Variants in PCDHGB7 observed in about 807,000 individuals in gnomAD.
PCDHGB7 encodes the protein protocadherin gamma subfamily B, 7.
A neutral mutation model predicts 61.4 loss-of-function variants in PCDHGB7; 37 were observed. The ratio of observed to expected loss-of-function variants is 0.60; its 90% CI spans 0.46 to 0.79. The LOEUF (loss-of-function observed/expected upper bound fraction) is 0.79, where lower values mean the gene tolerates loss of function less well. PCDHGB7 is among the 30% of genes least tolerant of loss of function. PCDHGB7 has a pLI of 0.00. For synonymous variants in PCDHGB7, 464 were observed against 503.5 expected (o/e 0.92, Z 1.05); for missense variants, 1,166 against 1,202.5 (o/e 0.97, Z 0.45).
intron 1 of PCDHGB7, among the ~76,000 whole-genome samples, chr5:141,443,376 T>C (rs1365277469): frequency 6.6e-6 from 1 of 151,990 alleles, no homozygotes; most frequent in Admixed American, 6.6e-5. Flanking sequence ...TCTCAGCTAC[T>C]TGGGAGGCTG....
In PCDHGB7 at chr5:141,489,203, C is replaced by A; in HGVS notation, c.2416-5604C>A. On this transcript the variant is annotated intron_variant, in intron 1 of 3. Transcript: ENST00000398594. The surrounding 1 kb of genome is among the most constrained non-coding windows in gnomAD (Gnocchi z 4.5). ...CCCTGGGTCTACCTTGGAGACAGGA[C>A]AGCACAGACTTACTCTCCACAAAGG... is the stretch of plus-strand genomic sequence containing the variant. 7.1e-7 allele frequency: 1 copy of A among 1,414,834 alleles called. No individual in the cohort carries two copies. Among genetic ancestry groups the A allele is most frequent in the Non-Finnish European group, 9.6e-7 (1 of 1,040,052 alleles). The allele number at this position is 1,414,834 out of a possible 1,614,324, so 87.6% of individuals were successfully genotyped here.
chr5:141,498,306 A>C (rs2099783027), intron 2 of PCDHGB7, among the ~76,000 whole-genome samples: 1 of 151,810 alleles, frequency 6.6e-6, no homozygotes, highest in African/African-American at 2.4e-5. Flanking sequence ...TCTGGGTCAC[A>C]CTGCCTACAC....
chr5:141,423,474 T>C, intron 1 of PCDHGB7: 1 of 1,614,004 alleles, frequency 6.2e-7, no homozygotes, highest in Non-Finnish European at 8.5e-7. Flanking sequence ...GGGTACAGGC[T>C]TTCCTGCAAA....
Position 141,510,946 on chromosome 5 carries a change from GA to G in PCDHGB7, c.2565del (p.Ala856LeufsTer17). The G allele has an allele frequency of 6.2e-7, 1 of 1,614,128 alleles. No homozygotes were observed. ...LQAMILASAS[E>X]AADGSSTLGG... ...CACCTGATCTTCCTCTGTCTCTGCA[GA>G]AGCTGCTGATGGGAGCTCCACCCTG... On this transcript the variant is annotated frameshift_variant and splice_region_variant, in exon 4 of 4. Coordinates refer to ENST00000398594, the MANE Select transcript of PCDHGB7 (RefSeq NM_018927.4). LOFTEE classifies it high-confidence loss of function.
intron 1 of PCDHGB7, chr5:141,478,585 T>A (rs1474599564): frequency 1.3e-5 from 20 of 1,576,728 alleles, no homozygotes; most frequent in Non-Finnish European, 1.7e-5. Flanking sequence ...TGTTAGTGCT[T>A]TTTTATTCCT....
chr5:141,498,673 T>C (rs1158071657), intron 2 of PCDHGB7, among the ~76,000 whole-genome samples: 1 of 152,180 alleles, frequency 6.6e-6, no homozygotes, highest in Non-Finnish European at 1.5e-5. Flanking sequence ...GGCTCACGCC[T>C]GTAATCCCAG....
At chr5:141,423,790 T>C (rs1561813105) in intron 1 of PCDHGB7, 2 of 1,261,874 alleles carry the variant, frequency 1.6e-6, no homozygotes, top group Non-Finnish European at 1.0e-6. Context: ...TTCATATATA[T>C]TTAGAGCAAT....
intron 1 of PCDHGB7, among the ~76,000 whole-genome samples, chr5:141,437,431 A>G (rs1282194918): frequency 6.6e-6 from 1 of 152,234 alleles, no homozygotes; most frequent in African/African-American, 2.4e-5. Flanking sequence ...TGAAGCAGCA[A>G]TAGCATAGGA....
At position 141,476,980 on chromosome 5, in the gene PCDHGB7, C is replaced by T; in HGVS notation, c.2416-17827C>T. 6.2e-7 allele frequency: 1 copy of T among 1,614,232 alleles called. No individual in the cohort carries two copies. Among genetic ancestry groups the T allele is most frequent in the Non-Finnish European group, 8.5e-7 (1 of 1,180,044 alleles). On this transcript the variant is annotated intron_variant, in intron 1 of 3. Coordinates refer to ENST00000398594, the MANE Select transcript of PCDHGB7 (RefSeq NM_018927.4). This position sits in a 1 kb window ranked among gnomAD's most constrained non-coding sequence, Gnocchi z 7.6. Reference sequence around the variant, plus strand: ...TTTACTCCTTCGGCAGCCACAACCGCGCCGGCGTGCGGCAACTATTCGCCT... The same window carrying T: ...TTTACTCCTTCGGCAGCCACAACCGTGCCGGCGTGCGGCAACTATTCGCCT...
At chr5:141,427,897 C>T (rs866283444) in intron 1 of PCDHGB7, 1 of 1,571,008 alleles carries the variant, frequency 6.4e-7, no homozygotes. Context: ...CAGGGCTCGC[C>T]CGCGCTCAGC....
chr5:141,421,125 C>G, intron 1 of PCDHGB7: 1 of 804,210 alleles, frequency 1.2e-6, no homozygotes, highest in Admixed American at 3.0e-5. Flanking sequence ...CCTTCGCTTT[C>G]TGATATATTT....
chr5:141,510,209 G>T (rs1294961681), intron 3 of PCDHGB7, among the ~76,000 whole-genome samples: 12 of 151,440 alleles, frequency 7.9e-5, no homozygotes, highest in African/African-American at 2.9e-4. Flanking sequence ...GGAGGCAGAG[G>T]TTGCAGTGAG....
chr5:141,502,679 T>C (rs943238781), intron 2 of PCDHGB7, among the ~76,000 whole-genome samples: 1 of 152,236 alleles, frequency 6.6e-6, no homozygotes, highest in Non-Finnish European at 1.5e-5. Flanking sequence ...TAGTATTCCC[T>C]GATGATCCTT....
chr5:141,433,208 CTTTT>C (rs745329085), intron 1 of PCDHGB7: 3 of 1,293,778 alleles, frequency 2.3e-6, no homozygotes, highest in African/African-American at 1.5e-5. Flanking sequence ...AATCTTCTTT[CTTTT>C]TTTTTTTTAA....
chr5:141,511,010 A>G lies in PCDHGB7; in HGVS notation c.2627A>G (p.Tyr876Cys), dbSNP rs1286219897. 6.2e-6 allele frequency: 10 copies of G among 1,614,054 alleles called. No homozygotes were observed. Among genetic ancestry groups the G allele is most frequent in the African/African-American group, 1.3e-5 (1 of 74,916 alleles). Residue 876 changes from tyrosine to cysteine, a missense_variant, in exon 4 of 4, where the codon TAC becomes TGC. By Grantham distance (194) the Tyr-to-Cys change is radical (BLOSUM62 -2). Coordinates refer to ENST00000398594, the MANE Select transcript of PCDHGB7 (RefSeq NM_018927.4). ...GGCACCATGGGATTGAGCGCCCGCT[A>G]CGGACCCCAGTTCACCCTGCAGCAC... Reference protein sequence around the residue: ...GAGTMGLSARYGPQFTLQHVP... With the variant: ...GAGTMGLSARCGPQFTLQHVP...
rs1330659052 is a variant in PCDHGB7, at chr5:141,490,012, G to T, written c.2416-4795G>T. On this transcript the variant is annotated intron_variant, in intron 1 of 3. Transcript: ENST00000398594. The surrounding 1 kb of genome is among the most constrained non-coding windows in gnomAD (Gnocchi z 5.4). ...GGGAATCCCAGAGAATGCACCCATT[G>T]GTACTCTGCTGCTCCGCCTCAATGC... The T allele has an allele frequency of 1.2e-6, 2 of 1,614,232 alleles. No homozygotes were observed. Among genetic ancestry groups the T allele is most frequent in the East Asian group, 4.5e-5 (2 of 44,888 alleles).
intron 1 of PCDHGB7, chr5:141,478,899 T>A (rs905349011): frequency 9.7e-7 from 1 of 1,027,124 alleles, no homozygotes; most frequent in African/African-American, 1.6e-5. Context: ...ACATTAGGAA[T>A]AAGCTGCTGG....
At chr5:141,509,454 G>T (rs1164813611) in intron 3 of PCDHGB7, among the ~76,000 whole-genome samples, 2 of 151,976 alleles carry the variant, frequency 1.3e-5, no homozygotes, top group African/African-American at 2.4e-5. Flanking sequence ...TCCCACCCCC[G>T]ACCCAGTCAG....
chr5:141,446,188 T>G (rs566309564), intron 1 of PCDHGB7, among the ~76,000 whole-genome samples: 28 of 152,326 alleles, frequency 1.8e-4, no homozygotes, highest in African/African-American at 6.3e-4. Context: ...TTTTGTTTAT[T>G]ATTATATTCC....
Sources: gnomAD v4.1 joint callset for allele counts (sites outside exome capture counted in the v4.1 genomes callset) on GRCh38, gnomAD v4.1.1 for gene constraint, Gnocchi (gnomAD v3.1) non-coding constraint, MANE v1.5 for transcripts, NCBI Gene and HGNC (gene_info 2026-07-23, HGNC 2026-07-21) for gene names.